The following VAT1L variants were observed in gnomAD, a reference collection of about 807,000 sequenced individuals.
The protein encoded by VAT1L is putative NADPH-dependent quinone oxidoreductase VAT1L.
VAT1L carries 34 observed loss-of-function variants against 44.1 expected under a neutral mutation model. The ratio of observed to expected loss-of-function variants is 0.77; its 90% CI spans 0.59 to 1.03. The LOEUF (loss-of-function observed/expected upper bound fraction) is 1.03. Ranked by LOEUF, VAT1L falls within the 50% of genes least tolerant of loss-of-function variation. The pLI, the probability that VAT1L is intolerant of heterozygous loss-of-function variation, is 0.00. For missense variants in VAT1L, 615 were observed against 538.8 expected (o/e 1.14, Z -1.40); for synonymous variants, 253 against 202.2 (o/e 1.25, Z -2.13).
rs550018513 is a variant in VAT1L, at chr16:77,813,915, C to G, written c.234-3006C>G. Among the ~76,000 whole-genome samples the G allele has an allele frequency of 3.9e-5, 6 of 152,328 alleles. No individual in the cohort carries two copies. In the East Asian group the frequency reaches 1.2e-3, roughly 29 times the overall value. ...AAGATATAAAGAGCTATAAACATGG[C>G]TCTTGTATGGGCAAGGGCGGGGCAT... On this transcript the variant is annotated intron_variant, in intron 1 of 8. Transcript: ENST00000302536.
chr16:77,950,730 G>C, intron 7 of VAT1L, among the ~76,000 whole-genome samples: 1 of 152,038 alleles, frequency 6.6e-6, no homozygotes, highest in South Asian at 2.1e-4. Flanking sequence ...TATAGTAACT[G>C]TTAAATTAGT....
intron 3 of VAT1L, among the ~76,000 whole-genome samples, chr16:77,829,946 A>G (rs975348770): frequency 6.6e-6 from 1 of 152,152 alleles, no homozygotes; most frequent in African/African-American, 2.4e-5. Flanking sequence ...CAGAAGTGGA[A>G]GCTGAGGGTT....
At chr16:77,877,745 T>C (rs8058575) in intron 5 of VAT1L, among the ~76,000 whole-genome samples, 44,818 of 151,934 alleles carry the variant, frequency 0.29, 6,883 homozygotes, top group East Asian at 0.47. Context: ...GCTTATAAAA[T>C]AGATATTTGA....
chr16:77,948,530 T>G (rs949018062), intron 7 of VAT1L, among the ~76,000 whole-genome samples: 5 of 152,132 alleles, frequency 3.3e-5, no homozygotes, highest in African/African-American at 1.2e-4. Flanking sequence ...TTTTGTAAAC[T>G]TTTTGGAAAA....
In VAT1L at chr16:77,914,838, T is replaced by C. The variant is rs879362851; in HGVS notation, c.1077+30036T>C. Among the ~76,000 whole-genome samples, 3 of 152,078 alleles carry C rather than the reference T, an allele frequency of 2.0e-5. No homozygotes were observed. The East Asian group carries it at 5.8e-4, about 29-fold the overall frequency. On this transcript the variant is annotated intron_variant, in intron 7 of 8. Coordinates refer to ENST00000302536, the MANE Select transcript of VAT1L (RefSeq NM_020927.3). ...AACACCAGATTGATTGGGTAAAGAGTTGATGGGCCGGACACGGTGGTTCAC... is the reference window on the plus strand; with the variant it reads ...AACACCAGATTGATTGGGTAAAGAGCTGATGGGCCGGACACGGTGGTTCAC...
chr16:77,842,816 A>G (rs1160496772), intron 3 of VAT1L, among the ~76,000 whole-genome samples: 1 of 152,238 alleles, frequency 6.6e-6, no homozygotes, highest in African/African-American at 2.4e-5. Context: ...GATAATACCA[A>G]GTAGCAATTT....
intron 8 of VAT1L, among the ~76,000 whole-genome samples, chr16:77,975,291 C>G (rs771942256): frequency 3.4e-5 from 5 of 145,036 alleles, no homozygotes; most frequent in Non-Finnish European, 7.5e-5. Flanking sequence ...CTCACTGCAA[C>G]CTTCGCCTTC....
chr16:77,887,462 T>C (rs2142463788), intron 7 of VAT1L, among the ~76,000 whole-genome samples: 1 of 152,278 alleles, frequency 6.6e-6, no homozygotes, highest in South Asian at 2.1e-4. Context: ...AGGAAAAGCA[T>C]GCTAACTACA....
At chr16:77,935,269 T>G (rs546977403) in intron 7 of VAT1L, among the ~76,000 whole-genome samples, 32 of 152,238 alleles carry the variant, frequency 2.1e-4, no homozygotes, top group African/African-American at 7.2e-4. Flanking sequence ...AAAGTGATAA[T>G]TGAGACTTTT....
intron 8 of VAT1L, among the ~76,000 whole-genome samples, chr16:77,973,361 T>G (rs547052154): frequency 1.3e-5 from 2 of 152,162 alleles, no homozygotes; most frequent in Non-Finnish European, 2.9e-5. Context: ...CTAGGCTCAC[T>G]GCAACCTCCG....
chr16:77,871,756 C>T lies in VAT1L; in HGVS notation c.723-4614C>T, dbSNP rs145760696. Among the ~76,000 whole-genome samples, 334 of 152,218 alleles carry T rather than the reference C, an allele frequency of 2.2e-3. 2 individuals are homozygous for T. The highest frequency in any genetic ancestry group is 7.6e-3 in the African/African-American group (314 of 41,560). ...CCCAGTCTCAATGATTAAAAACTTA[C>T]GAACTTCTTAGCATTCTACTTGGGA... On this transcript the variant is annotated intron_variant, in intron 4 of 8. Transcript: ENST00000302536.
intron 2 of VAT1L, among the ~76,000 whole-genome samples, chr16:77,824,777 T>C (rs1372345258): frequency 6.7e-6 from 1 of 148,326 alleles, no homozygotes; most frequent in Non-Finnish European, 1.5e-5. Flanking sequence ...AAAATGATTG[T>C]GATACTAAAA....
intron 7 of VAT1L, among the ~76,000 whole-genome samples, chr16:77,901,224 C>T (rs1032683459): frequency 3.6e-5 from 5 of 137,062 alleles, no homozygotes; most frequent in East Asian, 2.2e-4. Flanking sequence ...AGTGCAGTGG[C>T]GACATCTCAG....
chr16:77,963,568 G>T lies in VAT1L; in HGVS notation c.1078-8282G>T, dbSNP rs80085327. ...TTCAAGTCACTGTTGGTGGTCATCT[G>T]TTACAGTAATAATAGGAAACTGATA... On this transcript the variant is annotated intron_variant, in intron 7 of 8. Coordinates refer to ENST00000302536, the MANE Select transcript of VAT1L (RefSeq NM_020927.3). Among the ~76,000 whole-genome samples, 1,324 of 152,058 alleles carry T rather than the reference G, an allele frequency of 8.7e-3. 11 individuals are homozygous for T. Among genetic ancestry groups the T allele is most frequent in the African/African-American group, 0.029 (1,214 of 41,458 alleles).
rs1448097234 is a variant in VAT1L, at chr16:77,837,728, T to C, written c.579+12267T>C. ...GGTGACAGAGCTTGAGCAAGTACTTTAACTTCCTTGGACTTTGTTTCTTCC... is the reference window on the plus strand; with the variant it reads ...GGTGACAGAGCTTGAGCAAGTACTTCAACTTCCTTGGACTTTGTTTCTTCC... On this transcript the variant is annotated intron_variant, in intron 3 of 8. Coordinates refer to ENST00000302536, the MANE Select transcript of VAT1L (RefSeq NM_020927.3). 2.6e-5 allele frequency among the ~76,000 whole-genome samples: 4 copies of C among 152,324 alleles called. No individual in the cohort carries two copies. In the East Asian group the frequency reaches 7.7e-4, roughly 29 times the overall value.
At chr16:77,977,550 G>A (rs562042118) in intron 8 of VAT1L, 47 bp from the exon 9 acceptor site, 12 of 1,590,604 alleles carry the variant, frequency 7.5e-6, no homozygotes, top group East Asian at 4.5e-5. Context: ...CAGAGATGAC[G>A]AGGCTGGGTT....
At chr16:77,954,588 G>A (rs892487012) in intron 7 of VAT1L, among the ~76,000 whole-genome samples, 1 of 152,192 alleles carries the variant, frequency 6.6e-6, no homozygotes, top group Admixed American at 6.5e-5. Context: ...TCGTGCCACT[G>A]TAGTCCAGCC....
intron 7 of VAT1L, among the ~76,000 whole-genome samples, chr16:77,886,862 T>G (rs2017214524): frequency 6.6e-6 from 1 of 152,226 alleles, no homozygotes; most frequent in South Asian, 2.1e-4. Flanking sequence ...TTTTAGATAT[T>G]ATTTTGCCTA....
rs528230583 is a variant in VAT1L, at chr16:77,909,528, T to C, written c.1077+24726T>C. 3.3e-4 allele frequency among the ~76,000 whole-genome samples: 50 copies of C among 151,308 alleles called. No homozygotes were observed. In the South Asian group the frequency reaches 0.01, roughly 31 times the overall value. On this transcript the variant is annotated intron_variant, in intron 7 of 8. Transcript: ENST00000302536. ...GGTGTGTGCCTCTAATCCCAGCTACTTGGGAGGCTGAGGCAGGAGAATCAC... is the reference window on the plus strand; with the variant it reads ...GGTGTGTGCCTCTAATCCCAGCTACCTGGGAGGCTGAGGCAGGAGAATCAC...
Sources: allele counts gnomAD v4.1 joint callset (sites outside exome capture counted in the v4.1 genomes callset), GRCh38; gene constraint gnomAD v4.1.1; transcripts MANE v1.5; gene names NCBI Gene and HGNC (gene_info 2026-07-23, HGNC 2026-07-21).